Variants in CLIC5 observed in about 807,000 individuals in gnomAD.
CLIC5 encodes chloride intracellular channel protein 5.
CLIC5 carries 20 observed loss-of-function variants against 24.7 expected under a neutral mutation model. The observed-to-expected ratio is 0.81, with a 90% CI of 0.57 to 1.18. The LOEUF (loss-of-function observed/expected upper bound fraction) is 1.18, where lower values mean the gene tolerates loss of function less well. Among genes scored for constraint, CLIC5 ranks in the 50% most tolerant of loss-of-function variants. The pLI, the probability that CLIC5 is intolerant of heterozygous loss-of-function variation, is 0.00. For synonymous variants in CLIC5, 159 were observed against 135.6 expected (o/e 1.17, Z -1.20); for missense variants, 341 against 326.1 (o/e 1.05, Z -0.35).
chr6:45,915,422 G>A (rs1762992481), intron 4 of CLIC5, among the ~76,000 whole-genome samples: 1 of 152,158 alleles, frequency 6.6e-6, no homozygotes, highest in South Asian at 2.1e-4. Flanking sequence ...AAGAAGAGTT[G>A]GGGACAAGGC....
chr6:45,971,352 CA>C (rs1454782102), intron 1 of CLIC5, among the ~76,000 whole-genome samples: 13 of 152,174 alleles, frequency 8.5e-5, no homozygotes, highest in Non-Finnish European at 4.4e-5. Context: ...AGGTGCCGAA[CA>C]GGGTTGTTGT....
chr6:46,043,925 C>T (rs988712162), intron 1 of CLIC5, among the ~76,000 whole-genome samples: 4 of 152,196 alleles, frequency 2.6e-5, no homozygotes, highest in Non-Finnish European at 4.4e-5. Context: ...ACAGATTCAT[C>T]GGATGCCAGT....
At chr6:45,955,789 C>A (rs1403837131) in intron 1 of CLIC5, among the ~76,000 whole-genome samples, 1 of 151,732 alleles carries the variant, frequency 6.6e-6, no homozygotes, top group East Asian at 1.9e-4. Flanking sequence ...GACTTTGATC[C>A]CATCTCCCTA....
intron 1 of CLIC5, among the ~76,000 whole-genome samples, chr6:46,013,351 A>G (rs55736283): frequency 0.012 from 1,808 of 152,350 alleles, 23 homozygotes; most frequent in African/African-American, 0.04. Context: ...TGCTTCCCTC[A>G]AATGACACAG....
intron 5 of CLIC5, among the ~76,000 whole-genome samples, chr6:45,905,273 G>A (rs1466681584): frequency 6.6e-6 from 1 of 152,146 alleles, no homozygotes; most frequent in Non-Finnish European, 1.5e-5. Flanking sequence ...TCAAATGATA[G>A]TTCTGCTTTT....
chr6:45,976,113 G>T (rs1023321875), intron 1 of CLIC5, among the ~76,000 whole-genome samples: 17 of 152,168 alleles, frequency 1.1e-4, no homozygotes, highest in Admixed American at 2.0e-4. Flanking sequence ...CATGTGCATA[G>T]AAGGGCTCTG....
the CLIC5 span, among the ~76,000 whole-genome samples, chr6:46,113,206 G>A: frequency 6.6e-6 from 1 of 152,138 alleles, no homozygotes; most frequent in East Asian, 1.9e-4. Flanking sequence ...TAAGGACACT[G>A]GATTAATTCT....
intron 1 of CLIC5, among the ~76,000 whole-genome samples, chr6:46,072,372 G>T (rs1762632812): frequency 6.6e-6 from 1 of 151,652 alleles, no homozygotes; most frequent in South Asian, 2.2e-4. Flanking sequence ...CTGATCAGTA[G>T]TGGCCAAGAT....
At chr6:46,027,008 G>A (rs1767349266) in intron 1 of CLIC5, among the ~76,000 whole-genome samples, 1 of 152,124 alleles carries the variant, frequency 6.6e-6, no homozygotes, top group African/African-American at 2.4e-5. Flanking sequence ...ATTTTCACAT[G>A]AATTTATCTA....
At chr6:45,952,896 C>T (rs1471663821) in intron 2 of CLIC5, among the ~76,000 whole-genome samples, 1 of 152,174 alleles carries the variant, frequency 6.6e-6, no homozygotes, top group Non-Finnish European at 1.5e-5. Flanking sequence ...CTGCTGCTCT[C>T]TTTAGTTATC....
intron 1 of CLIC5, among the ~76,000 whole-genome samples, chr6:46,056,652 C>A (rs539487636): frequency 7.9e-5 from 12 of 152,196 alleles, no homozygotes; most frequent in African/African-American, 2.6e-4. Context: ...ATAGGAGTCC[C>A]CCTACACCAC....
chr6:45,889,561 T>C (rs73735484), intron 6 of CLIC5, among the ~76,000 whole-genome samples: 1,548 of 152,292 alleles, frequency 0.01, 28 homozygotes, highest in African/African-American at 0.035. Context: ...TTCTTGCATC[T>C]GAATACAGAA....
the CLIC5 span, among the ~76,000 whole-genome samples, chr6:46,116,704 G>A: frequency 3.9e-5 from 6 of 152,128 alleles, no homozygotes; most frequent in Non-Finnish European, 7.4e-5. Flanking sequence ...TAGCACTTGC[G>A]GGATATTGTC....
rs1004318023 is a variant in CLIC5 at position 45,985,186 on chromosome 6, C to T, written c.64-29942G>A. ...TGTGGGAGAGAAGAAAGAGCCTGGC[C>T]CCTCTGGGAGCCCTGAGCTGTTGTT... On this transcript the variant is annotated intron_variant, in intron 1 of 5. Transcript: ENST00000339561. Among the ~76,000 whole-genome samples, 8 of 152,180 alleles carry T rather than the reference C, an allele frequency of 5.3e-5. 1 individual carries two copies.
At chr6:46,083,221 C>T (rs116223174), upstream of CLIC5, among the ~76,000 whole-genome samples, 3,220 of 152,298 alleles carry the variant, frequency 0.021, 112 homozygotes, top group African/African-American at 0.073. Flanking sequence ...TTACTCCTGG[C>T]TCAGTTTTCT....
chr6:46,016,579 C>T (rs187449173), upstream of CLIC5, among the ~76,000 whole-genome samples: 2 of 152,168 alleles, frequency 1.3e-5, no homozygotes, highest in East Asian at 3.9e-4. Flanking sequence ...ACTTCATTCC[C>T]GTTCTCTTCT....
intron 4 of CLIC5, among the ~76,000 whole-genome samples, chr6:45,925,380 G>A (rs1451029513): frequency 6.7e-6 from 1 of 149,992 alleles, no homozygotes; most frequent in Non-Finnish European, 1.5e-5. Context: ...GCAATGGTGC[G>A]ATCTCAGCTC....
At chr6:46,042,521 A>T (rs577108963) in intron 1 of CLIC5, among the ~76,000 whole-genome samples, 23 of 152,156 alleles carry the variant, frequency 1.5e-4, no homozygotes, top group African/African-American at 5.6e-4. Flanking sequence ...GTTTAGCCAG[A>T]TGTCCTTCAT....
intron 1 of CLIC5, among the ~76,000 whole-genome samples, chr6:46,067,486 A>G (rs1581915812): frequency 6.6e-6 from 1 of 152,178 alleles, no homozygotes; most frequent in South Asian, 2.1e-4. Flanking sequence ...TTGACAAAAC[A>G]GTGTTCAGTA....
Sources: allele counts gnomAD v4.1 joint callset (sites outside exome capture counted in the v4.1 genomes callset), GRCh38; gene constraint gnomAD v4.1.1; transcripts MANE v1.5; gene names NCBI Gene and HGNC (gene_info 2026-07-23, HGNC 2026-07-21).